AK5: variants seen among roughly 807,000 people sequenced by gnomAD.
AK5 encodes adenylate kinase isoenzyme 5.
Under a neutral mutation model 69.5 loss-of-function variants are expected in AK5, and 27 were observed. The observed-to-expected ratio is 0.39, with a 90% CI of 0.29 to 0.54. The LOEUF is 0.54. AK5 is among the 20% of genes least tolerant of loss of function. AK5 has a pLI of 0.71. For missense variants in AK5, 531 were observed against 700.4 expected (o/e 0.76, Z 2.73); for synonymous variants, 260 against 244.4 (o/e 1.06, Z -0.60).
chr1:77,426,610 A>G (rs1445888421), intron 8 of AK5, among the ~76,000 whole-genome samples: 1 of 152,204 alleles, frequency 6.6e-6, no homozygotes, highest in African/African-American at 2.4e-5. Context: ...GTTGAACTCA[A>G]TAATACCACC....
intron 8 of AK5, among the ~76,000 whole-genome samples, chr1:77,431,018 G>A (rs1651602487): frequency 6.6e-6 from 1 of 152,188 alleles, no homozygotes; most frequent in South Asian, 2.1e-4. Flanking sequence ...AGACTGGCAT[G>A]AGACCAAAAG....
At chr1:77,351,981 G>A (rs1162232908) in intron 6 of AK5, among the ~76,000 whole-genome samples, 1 of 148,888 alleles carries the variant, frequency 6.7e-6, no homozygotes, top group Non-Finnish European at 1.5e-5. Flanking sequence ...CCAGGCTGGA[G>A]TGCAGTGGTG....
chr1:77,444,222 GTA>G (rs36079912), intron 8 of AK5, among the ~76,000 whole-genome samples: 10 of 98,852 alleles, frequency 1.0e-4, no homozygotes, highest in African/African-American at 3.2e-4. Context: ...TACCACTTAT[GTA>G]TATATATATA....
intron 11 of AK5, among the ~76,000 whole-genome samples, chr1:77,520,746 C>T (rs762253178): frequency 1.1e-4 from 17 of 152,200 alleles, no homozygotes; most frequent in Non-Finnish European, 2.2e-4. Context: ...CAGTTATCTT[C>T]GCTGACTCTT....
chr1:77,291,066 G>A (rs1658658997), intron 2 of AK5, among the ~76,000 whole-genome samples: 1 of 152,156 alleles, frequency 6.6e-6, no homozygotes, highest in African/African-American at 2.4e-5. Context: ...GCTAGAGAAG[G>A]ATGAAAGAGA....
chr1:77,550,464 G>A (rs1659769159), intron 13 of AK5, among the ~76,000 whole-genome samples: 1 of 152,128 alleles, frequency 6.6e-6, no homozygotes, highest in African/African-American at 2.4e-5. Flanking sequence ...TATATTGCAG[G>A]ACGTATTACT....
In AK5 at chr1:77,325,559, C is replaced by T. The variant is rs370767848; in HGVS notation, c.700-14818C>T. On this transcript the variant is annotated intron_variant, in intron 5 of 13. Coordinates refer to ENST00000354567, the MANE Select transcript of AK5 (RefSeq NM_174858.3). ...CCATATGATCATGTGCTGCTCACGTCGACCACAAGTTTCCAGACCTCAAGG... is the reference window on the plus strand; with the variant it reads ...CCATATGATCATGTGCTGCTCACGTTGACCACAAGTTTCCAGACCTCAAGG... Among the ~76,000 whole-genome samples, 7 of 152,122 alleles carry T rather than the reference C, an allele frequency of 4.6e-5. No individual in the cohort carries two copies. The East Asian group carries it at 7.7e-4, about 17-fold the overall frequency.
At chr1:77,304,791 A>G (rs1174085730) in intron 5 of AK5, among the ~76,000 whole-genome samples, 3 of 152,236 alleles carry the variant, frequency 2.0e-5, no homozygotes, top group Non-Finnish European at 4.4e-5. Context: ...CAGTCCTGCA[A>G]CAAACATAGG....
At chr1:77,351,927 C>CTT (rs10658959) in intron 6 of AK5, among the ~76,000 whole-genome samples, 59,755 of 138,120 alleles carry the variant, frequency 0.43, 13,522 homozygotes, top group Middle Eastern at 0.54. Flanking sequence ...GCAAGTAATT[C>CTT]TTTTTTTTTT....
At chr1:77,457,494 C>G (rs1015978963) in intron 8 of AK5, among the ~76,000 whole-genome samples, 3 of 152,020 alleles carry the variant, frequency 2.0e-5, no homozygotes, top group African/African-American at 7.3e-5. Context: ...CTTCACCTTC[C>G]ATCTGTTCTA....
In AK5 at chr1:77,297,860, A is replaced by G. The variant is rs1356839151; in HGVS notation, c.612A>G (p.Gln204=). ...AAACAACAATTACAGAGATAAAACA[A>G]AAATTGATGCAAATACCTGATGAAG... ...PQETTITEIK[Q]KLMQIPDEEG... The change falls in exon 5 of 14, where the codon CAA becomes CAG. Residue 204 remains glutamine (Q), a synonymous_variant. Coordinates refer to ENST00000354567, the MANE Select transcript of AK5 (RefSeq NM_174858.3). The G allele has an allele frequency of 6.2e-7, 1 of 1,613,028 alleles. No homozygotes were observed. The highest frequency in any genetic ancestry group is 1.1e-5 in the South Asian group (1 of 90,562).
At chr1:77,426,707 A>G (rs569771510) in intron 8 of AK5, among the ~76,000 whole-genome samples, 8 of 152,338 alleles carry the variant, frequency 5.3e-5, no homozygotes, top group African/African-American at 1.9e-4. Flanking sequence ...TCAAGCTCAC[A>G]TGGAATATTC....
intron 5 of AK5, among the ~76,000 whole-genome samples, chr1:77,309,217 C>T (rs1235628934): frequency 1.3e-5 from 2 of 151,802 alleles, no homozygotes; most frequent in Non-Finnish European, 2.9e-5. Context: ...ACCTGCACAT[C>T]CTGCACGTGT....
chr1:77,339,780 G>A (rs1474853281), intron 5 of AK5, among the ~76,000 whole-genome samples: 2 of 151,678 alleles, frequency 1.3e-5, no homozygotes, highest in African/African-American at 4.8e-5. Context: ...TGAGTAGCTG[G>A]GATTACAGGT....
intron 2 of AK5, among the ~76,000 whole-genome samples, chr1:77,288,742 T>G (rs1363307556): frequency 1.3e-5 from 2 of 152,190 alleles, no homozygotes; most frequent in East Asian, 3.8e-4. Context: ...TTAGAAACTT[T>G]CAAATGTTAT....
chr1:77,416,005 T>C (rs1381929392), intron 7 of AK5, among the ~76,000 whole-genome samples: 1 of 152,194 alleles, frequency 6.6e-6, no homozygotes, highest in South Asian at 2.1e-4. Context: ...CTGATAGTTC[T>C]AAAATGTCTA....
intron 6 of AK5, among the ~76,000 whole-genome samples, chr1:77,403,993 C>T (rs1481334186): frequency 6.6e-6 from 1 of 152,080 alleles, no homozygotes; most frequent in South Asian, 2.1e-4. Flanking sequence ...GTTTGTAGTT[C>T]TCCTTGAAGA....
At chr1:77,475,356 A>G (rs1247011222) in intron 8 of AK5, among the ~76,000 whole-genome samples, 3 of 118,190 alleles carry the variant, frequency 2.5e-5, no homozygotes, top group Non-Finnish European at 5.1e-5. Context: ...ATACATATAT[A>G]TTATATATAT....
At chr1:77,288,761 A>G (rs1658507972) in intron 2 of AK5, among the ~76,000 whole-genome samples, 1 of 152,202 alleles carries the variant, frequency 6.6e-6, no homozygotes, top group African/African-American at 2.4e-5. Flanking sequence ...ATAACGGACC[A>G]AAAAACAGAG....
Sources: gnomAD v4.1 joint callset for allele counts (sites outside exome capture counted in the v4.1 genomes callset) on GRCh38, gnomAD v4.1.1 for gene constraint, MANE v1.5 for transcripts, NCBI Gene and HGNC (gene_info 2026-07-23, HGNC 2026-07-21) for gene names.